The following EZH1 variants were observed in gnomAD, a reference collection of about 807,000 sequenced individuals.
EZH1 encodes enhancer of zeste 1 polycomb repressive complex 2 subunit.
Under a neutral mutation model 100.5 loss-of-function variants are expected in EZH1, and 33 were observed. The observed-to-expected ratio is 0.33, with a 90% CI of 0.25 to 0.44. The LOEUF (loss-of-function observed/expected upper bound fraction) is 0.44, where lower values mean the gene tolerates loss of function less well. Ranked by LOEUF, EZH1 falls within the 20% of genes least tolerant of loss-of-function variation. The pLI is 1.00. For synonymous variants in EZH1, 272 were observed against 313.8 expected, an observed-to-expected ratio of 0.87 and a Z score of 1.41; for missense variants, 475 against 928.4, an observed-to-expected ratio of 0.51 and a Z score of 6.35.
intron 1 of EZH1, among the ~76,000 whole-genome samples, chr17:42,742,726 C>T (rs1269564185): frequency 6.6e-6 from 1 of 152,182 alleles, no homozygotes; most frequent in Non-Finnish European, 1.5e-5. Flanking sequence ...ATGAATAAAA[C>T]ATATATCCCT....
intron 6 of EZH1, 82 bp from the exon 7 acceptor site, chr17:42,720,531 TC>T: frequency 7.9e-7 from 1 of 1,264,458 alleles, no homozygotes; most frequent in Non-Finnish European, 1.1e-6. Context: ...TTGTACTCAC[TC>T]CAGAGGCCCA....
intron 7 of EZH1, 88 bp downstream of exon 7, chr17:42,720,185 C>T: frequency 2.1e-6 from 3 of 1,429,106 alleles, no homozygotes; most frequent in African/African-American, 2.8e-5. Flanking sequence ...CACCAACAGC[C>T]TTTAATAGGC....
intron 4 of EZH1, among the ~76,000 whole-genome samples, chr17:42,724,850 T>G (rs894415451): frequency 6.6e-6 from 1 of 151,748 alleles, no homozygotes; most frequent in Non-Finnish European, 1.5e-5. Context: ...AATTAAATTT[T>G]TAAAATTCAG....
At position 42,700,782 on chromosome 17, in the gene EZH1, T is replaced by C. The variant is rs1047241441; in HGVS notation, c.*1750A>G. The C allele has an allele frequency of 2.0e-5, 3 of 152,514 alleles. No individual in the cohort carries two copies. Among genetic ancestry groups the C allele is most frequent in the African/African-American group, 7.3e-5 (3 of 41,376 alleles). 9.4% of individuals were successfully genotyped at this position (152,514 alleles called of 1,614,324 possible). A position where few individuals can be genotyped will look rare whatever the true frequency, so the allele number is the denominator to read the frequency against. On this transcript the variant is annotated 3_prime_UTR_variant, in exon 21 of 21. Transcript: ENST00000428826. ...CATGCTGGGGCCTGGCCCATTTGGG[T>C]GGGAGGAGCTTTCTGTCAGGAGTTG...
rs567858866 is a variant in EZH1, at chr17:42,732,748, G to A, written c.-102-1830C>T. 1.3e-4 allele frequency among the ~76,000 whole-genome samples: 20 copies of A among 151,802 alleles called. No individual in the cohort carries two copies. The South Asian group carries it at 4.2e-3, about 32-fold the overall frequency. ...CGTGCCACTGCACTCCAGCCTGGGC[G>A]ATAGCGAGACTCTGTCTCAAAACCA... On this transcript the variant is annotated intron_variant, in intron 1 of 20. Coordinates refer to ENST00000428826, the MANE Select transcript of EZH1 (RefSeq NM_001991.5).
Position 42,718,422 on chromosome 17 carries a change from G to T in EZH1, c.931+32C>A. 1.2e-6 allele frequency: 2 copies of T among 1,610,764 alleles called. No homozygotes were observed. The highest frequency in any genetic ancestry group is 1.7e-6 in the Non-Finnish European group (2 of 1,178,670). On this transcript the variant is annotated intron_variant, in intron 9 of 20. Coordinates refer to ENST00000428826, the MANE Select transcript of EZH1 (RefSeq NM_001991.5). This position sits in a 1 kb window ranked among gnomAD's most constrained non-coding sequence, Gnocchi z 4.2. ...AATGGTGGCTGGGGATGGAAGAGAG[G>T]AGAGCATTTCAAACAGAGTAGCCCC... is the stretch of plus-strand genomic sequence containing the variant.
chr17:42,740,175 G>T (rs959253722), intron 1 of EZH1, among the ~76,000 whole-genome samples: 2 of 152,070 alleles, frequency 1.3e-5, no homozygotes, highest in African/African-American at 4.8e-5. Flanking sequence ...AGCCTCCCTA[G>T]TAGCTGGGAC....
At position 42,730,861 on chromosome 17, in the gene EZH1, C is replaced by T; in HGVS notation, c.-45G>A. 1 of 985,514 alleles carries T rather than the reference C, an allele frequency of 1.0e-6. No homozygotes were observed. 61.0% of individuals were successfully genotyped at this position (985,514 alleles called of 1,614,324 possible). On this transcript the variant is annotated 5_prime_UTR_variant, in exon 2 of 21. Coordinates refer to ENST00000428826, the MANE Select transcript of EZH1 (RefSeq NM_001991.5). ...ATGCAAGGGGAAGTGTTGGGTTTTA[C>T]AGTGTGCCTCTGTTCTTCAGGAGAA...
Position 42,706,269 on chromosome 17 carries a change from T to A in EZH1, c.1661-84A>T. On this transcript the variant is annotated intron_variant, in intron 15 of 20. Coordinates refer to ENST00000428826, the MANE Select transcript of EZH1 (RefSeq NM_001991.5). This position sits in a 1 kb window ranked among gnomAD's most constrained non-coding sequence, Gnocchi z 4.4. ...GTTGACTCAAGGGACAGCAAAGAAGTAAATTTTTTGTGTTCAAGGATGTTT... is the reference window on the plus strand; with the variant it reads ...GTTGACTCAAGGGACAGCAAAGAAGAAAATTTTTTGTGTTCAAGGATGTTT... 1 of 1,294,432 alleles carries A rather than the reference T, an allele frequency of 7.7e-7. No homozygotes were observed. The highest frequency in any genetic ancestry group is 2.1e-4 in the Middle Eastern group (1 of 4,824). 80.2% of individuals were successfully genotyped at this position (1,294,432 alleles called of 1,614,324 possible).
intron 1 of EZH1, among the ~76,000 whole-genome samples, chr17:42,738,259 T>C (rs1403768610): frequency 6.6e-6 from 1 of 151,818 alleles, no homozygotes; most frequent in Non-Finnish European, 1.5e-5. Context: ...TTCCAAACTA[T>C]TAAATTTTTT....
At chr17:42,735,502 TTTAG>T (rs2054048595) in intron 1 of EZH1, among the ~76,000 whole-genome samples, 1 of 152,180 alleles carries the variant, frequency 6.6e-6, no homozygotes. Context: ...AGATCTATTA[TTTAG>T]TTACTTACAC....
At position 42,730,066 on chromosome 17, in the gene EZH1, CA is replaced by C. The variant is rs376362467; in HGVS notation, c.-12+761del. ...ACAAAAACAAAAGACAAAAACAAAA[CA>C]AAAAAAAACAACAACAACAAAATTT... On this transcript the variant is annotated intron_variant, in intron 2 of 20. Transcript: ENST00000428826. 2.0e-3 allele frequency among the ~76,000 whole-genome samples: 305 copies of C among 150,524 alleles called. 1 individual carries two copies. Among genetic ancestry groups the C allele is most frequent in the African/African-American group, 7.4e-3 (303 of 41,078 alleles).
chr17:42,730,764 G>C (rs959705073), intron 2 of EZH1, 64 bp downstream of exon 2: 2 of 767,340 alleles, frequency 2.6e-6, no homozygotes, highest in Admixed American at 6.3e-5. Context: ...CCAAAGTGCT[G>C]GGATTACAGG....
At chr17:42,707,584 G>A (rs945773055) in intron 15 of EZH1, among the ~76,000 whole-genome samples, 3 of 151,920 alleles carry the variant, frequency 2.0e-5, no homozygotes, top group African/African-American at 7.3e-5. Flanking sequence ...TAGTAGAGAT[G>A]AGGTTTCGCC....
rs762855731 is a variant in EZH1, at chr17:42,703,789, G to A, written c.2049C>T (p.Asn683=). 1 of 1,614,100 alleles carries A rather than the reference G, an allele frequency of 6.2e-7. No individual in the cohort carries two copies. The highest frequency in any genetic ancestry group is 8.5e-7 in the Non-Finnish European group (1 of 1,179,990). The change falls in exon 19 of 21, where the codon AAC becomes AAT. Residue 683 remains asparagine, a synonymous_variant. Coordinates refer to ENST00000428826, the MANE Select transcript of EZH1 (RefSeq NM_001991.5). ...DFVVDATRKG[N]KIRFANHSVN... is the part of the protein sequence containing the mutation. ...CTGAATGATTTGCAAATCGAATTTT[G>A]TTTCCTTTCCGAGTAGCATCCACTA...
Position 42,722,205 on chromosome 17 carries a change from C to A in EZH1, c.487+590G>T, listed in dbSNP as rs190948553. Among the ~76,000 whole-genome samples the A allele has an allele frequency of 5.8e-3, 872 of 150,674 alleles. 3 individuals are homozygous for A. Among genetic ancestry groups the A allele is most frequent in the Middle Eastern group, 0.027 (8 of 294 alleles). On this transcript the variant is annotated intron_variant, in intron 6 of 20. Coordinates refer to ENST00000428826, the MANE Select transcript of EZH1 (RefSeq NM_001991.5). ...GGTGGAGTGCACCTGTAGTCCCAGC[C>A]CCCCAGGAGGCTAAAGCAGGAAAAT...
In EZH1 at chr17:42,718,310, G is replaced by A. The variant is rs1188513713; in HGVS notation, c.931+144C>T. 2 of 1,142,218 alleles carry A rather than the reference G, an allele frequency of 1.8e-6. No homozygotes were observed. The allele number at this position is 1,142,218 out of a possible 1,614,324, so 70.8% of individuals were successfully genotyped here. ...ATGCAAAGCATGTTGCACTATAATTGAGCAAGGGAAAATAGAACTGGCCCT... is the reference window on the plus strand; with the variant it reads ...ATGCAAAGCATGTTGCACTATAATTAAGCAAGGGAAAATAGAACTGGCCCT... On this transcript the variant is annotated intron_variant, in intron 9 of 20. Transcript: ENST00000428826. The surrounding 1 kb of genome is among the most constrained non-coding windows in gnomAD (Gnocchi z 4.2).
intron 4 of EZH1, among the ~76,000 whole-genome samples, chr17:42,726,003 T>G (rs2053812010): frequency 6.6e-6 from 1 of 151,098 alleles, no homozygotes; most frequent in Non-Finnish European, 1.5e-5. Flanking sequence ...CTCAGCCTCC[T>G]GAGTAGCTGG....
chr17:42,731,784 CAGCT>C (rs1354965606), intron 1 of EZH1: 1 of 151,820 alleles, frequency 6.6e-6, no homozygotes, highest in Non-Finnish European at 1.5e-5. Context: ...CCTGTAATCC[CAGCT>C]ACTCGGGAGG....
Sources: allele counts gnomAD v4.1 joint callset (sites outside exome capture counted in the v4.1 genomes callset), GRCh38; gene constraint gnomAD v4.1.1; non-coding constraint Gnocchi (gnomAD v3.1); transcripts MANE v1.5; gene names NCBI Gene and HGNC (gene_info 2026-07-23, HGNC 2026-07-21).